ZBTB4: variants seen among roughly 807,000 people sequenced by gnomAD.
The protein encoded by ZBTB4 is zinc finger and BTB domain-containing protein 4.
In ZBTB4, 14 loss-of-function variants were observed where a neutral mutation model predicts 59.8. The ratio of observed to expected loss-of-function variants is 0.23; its 90% confidence interval spans 0.15 to 0.37. The LOEUF is 0.37. Among genes scored for constraint, ZBTB4 ranks in the 10% least tolerant of loss-of-function variants. The pLI, the probability that ZBTB4 is intolerant of heterozygous loss-of-function variation, is 1.00. For missense variants in ZBTB4, 1,198 were observed against 1,380.8 expected, an observed-to-expected ratio of 0.87 and a Z score of 2.10; for synonymous variants, 587 against 575.2, an observed-to-expected ratio of 1.02 and a Z score of -0.29.
chr17:7,465,830 C>T lies in ZBTB4; in HGVS notation c.972G>A (p.Leu324=), dbSNP rs143028324. The change falls in exon 3 of 4, where the codon CTG becomes CTA. Residue 324 remains leucine, a synonymous_variant. Coordinates refer to ENST00000380599, the MANE Select transcript of ZBTB4 (RefSeq NM_001128833.2). ...ACGAGTGTACATTGCTGTGTCTCTT[C>T]AGACTGGACAGGGTCACGTAGGAAC... ...CERSYVTLSS[L]KRHSNVHSWR... 2 of 1,614,234 alleles carry T rather than the reference C, an allele frequency of 1.2e-6. No individual in the cohort carries two copies. Among genetic ancestry groups the T allele is most frequent in the Non-Finnish European group, 1.7e-6 (2 of 1,180,048 alleles).
Position 7,466,866 on chromosome 17 carries a change from G to C in ZBTB4, c.-9-56C>G. 6.9e-7 allele frequency: 1 copy of C among 1,449,582 alleles called. No individual in the cohort carries two copies. Among genetic ancestry groups the C allele is most frequent in the East Asian group, 2.5e-5 (1 of 40,428 alleles). The allele number at this position is 1,449,582 out of a possible 1,614,324, so 89.8% of individuals were successfully genotyped here. ...TCTCAGAGGCTGGGCAGAGGGCAGG[G>C]GCTTCTAAAATCAGGCAGAGAGAGG... is the stretch of plus-strand genomic sequence containing the variant. On this transcript the variant is annotated intron_variant, in intron 2 of 3. Coordinates refer to ENST00000380599, the MANE Select transcript of ZBTB4 (RefSeq NM_001128833.2). This position sits in a 1 kb window ranked among gnomAD's most constrained non-coding sequence, Gnocchi z 9.1.
In ZBTB4 at chr17:7,462,888, CCAA is replaced by C. The variant is rs2070047807; in HGVS notation, c.2091_2093del (p.Trp698del). Reference sequence around the variant, plus strand: ...AGCTCCTCCGTTCCAGCTTCTGCCTCCAACGTGGTGGCCGGCGGCCTCGGGGCA... The same window carrying C: ...AGCTCCTCCGTTCCAGCTTCTGCCTCCGTGGTGGCCGGCGGCCTCGGGGCA... On this transcript the variant is annotated inframe_deletion, in exon 4 of 4. Coordinates refer to ENST00000380599, the MANE Select transcript of ZBTB4 (RefSeq NM_001128833.2). This position sits in a 1 kb window ranked among gnomAD's most constrained non-coding sequence, Gnocchi z 7.5. The C allele has an allele frequency of 6.2e-7, 1 of 1,607,910 alleles. No homozygotes were observed. Among genetic ancestry groups the C allele is most frequent in the Non-Finnish European group, 8.5e-7 (1 of 1,179,880 alleles).
At chr17:7,468,096 C>A (rs1208273352) in intron 1 of ZBTB4, among the ~76,000 whole-genome samples, 2 of 152,214 alleles carry the variant, frequency 1.3e-5, no homozygotes, top group Non-Finnish European at 2.9e-5. Flanking sequence ...CAAGGCCAGG[C>A]GCGGGGGCTC....
chr17:7,462,885 C>A lies in ZBTB4; in HGVS notation c.2097G>T (p.Arg699Ser). ...LPRGRRPPRW[R>S]QKLERRSWEE... ...CCCAGCTCCTCCGTTCCAGCTTCTG[C>A]CTCCAACGTGGTGGCCGGCGGCCTC... Residue 699 changes from arginine (R) to serine (S), a missense_variant, in exon 4 of 4, where the codon AGG becomes AGT. Physicochemically the swap from Arg to Ser is moderately radical, Grantham distance 110. This residue lies in a region of ZBTB4 where 550 missense variants were observed against 541.8 expected (regional missense o/e 1.02). Coordinates refer to ENST00000380599, the MANE Select transcript of ZBTB4 (RefSeq NM_001128833.2). This position sits in a 1 kb window ranked among gnomAD's most constrained non-coding sequence, Gnocchi z 7.5. 6.2e-7 allele frequency: 1 copy of A among 1,607,644 alleles called. No individual in the cohort carries two copies.
At chr17:7,475,469 A>G (rs559332751) in intron 1 of ZBTB4, among the ~76,000 whole-genome samples, 1 of 151,846 alleles carries the variant, frequency 6.6e-6, no homozygotes, top group Admixed American at 6.6e-5. Context: ...GCCACCCACA[A>G]TAGGTTTTAT....
chr17:7,472,634 C>T (rs1038977769), intron 1 of ZBTB4, among the ~76,000 whole-genome samples: 105 of 72,920 alleles, frequency 1.4e-3, no homozygotes, highest in Admixed American at 1.6e-3. Flanking sequence ...CCTGGCCATT[C>T]TTTTTTTTTT....
chr17:7,474,589 T>G (rs537857481), intron 1 of ZBTB4, among the ~76,000 whole-genome samples: 2 of 152,142 alleles, frequency 1.3e-5, no homozygotes, highest in South Asian at 2.1e-4. Context: ...TAGCACGTAA[T>G]AGGTGGTAAA....
At position 7,461,202 on chromosome 17, in the gene ZBTB4, T is replaced by C. The variant is rs1170600664; in HGVS notation, c.*738A>G. On this transcript the variant is annotated 3_prime_UTR_variant, in exon 4 of 4. Coordinates refer to ENST00000380599, the MANE Select transcript of ZBTB4 (RefSeq NM_001128833.2). ...TTGGGGGTCAAGATAGGGCCAATAT[T>C]TCCCTGCCCTGGACTGGGAAAGTGC... is the stretch of plus-strand genomic sequence containing the variant. 6.6e-6 allele frequency: 1 copy of C among 152,642 alleles called. No homozygotes were observed. The highest frequency in any genetic ancestry group is 1.9e-4 in the East Asian group (1 of 5,188). 9.5% of individuals were successfully genotyped at this position (152,642 alleles called of 1,614,324 possible).
At chr17:7,475,549 T>C (rs2070258055) in intron 1 of ZBTB4, among the ~76,000 whole-genome samples, 1 of 151,638 alleles carries the variant, frequency 6.6e-6, no homozygotes, top group Admixed American at 6.6e-5. Flanking sequence ...TCTCCTGGGT[T>C]CAAGCAATTC....
chr17:7,466,824 G>T lies in ZBTB4; in HGVS notation c.-9-14C>A. 1 of 1,521,170 alleles carries T rather than the reference G, an allele frequency of 6.6e-7. No individual in the cohort carries two copies. The highest frequency in any genetic ancestry group is 8.8e-7 in the Non-Finnish European group (1 of 1,135,600). The allele number at this position is 1,521,170 out of a possible 1,614,324, so 94.2% of individuals were successfully genotyped here. A position where few individuals can be genotyped will look rare whatever the true frequency, so the allele number is the denominator to read the frequency against. ...CATGGTGCCAGCCTAGACAGTGGGA[G>T]AAGAGGCCGGGTAGAGTCTCAGAGG... On this transcript the variant is annotated splice_polypyrimidine_tract_variant and intron_variant, in intron 2 of 3. Transcript: ENST00000380599. This position sits in a 1 kb window ranked among gnomAD's most constrained non-coding sequence, Gnocchi z 9.1.
At chr17:7,476,085 T>A (rs571975175) in intron 1 of ZBTB4, among the ~76,000 whole-genome samples, 18 of 152,306 alleles carry the variant, frequency 1.2e-4, no homozygotes, top group Admixed American at 3.3e-4. Context: ...ATAGCTCAGG[T>A]CCTTGTTAAC....
In ZBTB4 at chr17:7,462,466, T is replaced by A. The variant is rs1479597269; in HGVS notation, c.2516A>T (p.Glu839Val). Residue 839 changes from glutamate to valine, a missense_variant, in exon 4 of 4, where the codon GAG becomes GTG. Physicochemically the swap from Glu to Val is moderately radical, Grantham distance 121. Around this residue, in one of 9 missense-constraint regions of ZBTB4, gnomAD observed 211 missense variants for 236.1 expected, o/e 0.89. Coordinates refer to ENST00000380599, the MANE Select transcript of ZBTB4 (RefSeq NM_001128833.2). The surrounding 1 kb of genome is among the most constrained non-coding windows in gnomAD (Gnocchi z 7.5). ...GAGTGAGGCGGTCTCGGAAGCTTCCTCAGCAGCAGTGCTCCCGCCACCTGC... is the reference window on the plus strand; with the variant it reads ...GAGTGAGGCGGTCTCGGAAGCTTCCACAGCAGCAGTGCTCCCGCCACCTGC... Reference protein sequence around the residue: ...GEAGGGSTAAEEASETASLQD... With the variant: ...GEAGGGSTAAVEASETASLQD... 1.2e-6 allele frequency: 2 copies of A among 1,613,686 alleles called. No individual in the cohort carries two copies. The highest frequency in any genetic ancestry group is 1.7e-6 in the Non-Finnish European group (2 of 1,179,996).
chr17:7,482,171 C>G, upstream of ZBTB4: 1 of 1,614,114 alleles, frequency 6.2e-7, no homozygotes, highest in Non-Finnish European at 8.5e-7. Context: ...TATGGCTTAC[C>G]AGGCTTCCAA....
chr17:7,463,592 C>G lies in ZBTB4; in HGVS notation c.1390G>C (p.Glu464Gln). Residue 464 changes from glutamate to glutamine, a missense_variant, in exon 4 of 4, where the codon GAG (glutamate) becomes CAG (glutamine). Physicochemically the swap from Glu to Gln is conservative, Grantham distance 29. This residue lies in a region of ZBTB4 where 550 missense variants were observed against 541.8 expected (regional missense o/e 1.02). Transcript: ENST00000380599. Reference sequence around the variant, plus strand: ...ATGACAGAGGGTGGAGGGCCAGGCTCTGGGGCAGGTGGAGGCCCAGGCGGC... The same window carrying G: ...ATGACAGAGGGTGGAGGGCCAGGCTGTGGGGCAGGTGGAGGCCCAGGCGGC... ...SPPPGPPPAPEPGPPPSVITF... is the reference protein window; with the variant it reads ...SPPPGPPPAPQPGPPPSVITF... The G allele has an allele frequency of 1.2e-6, 2 of 1,600,048 alleles. No homozygotes were observed. Among genetic ancestry groups the G allele is most frequent in the Non-Finnish European group, 1.7e-6 (2 of 1,173,204 alleles).
Position 7,463,725 on chromosome 17 carries a change from G to A in ZBTB4, c.1257C>T (p.Pro419=), listed in dbSNP as rs769301501. ...LNTLKLYRLL[P]MRAAKRPYKT... ...TGTAGGGCCGCTTGGCTGCCCGCAT[G>A]GGGAGCAGGCGGTAGAGCTTGAGTG... Residue 419 remains proline (P), a synonymous_variant, in exon 4 of 4, where the codon CCC becomes CCT. Transcript: ENST00000380599. 9 of 1,613,906 alleles carry A rather than the reference G, an allele frequency of 5.6e-6. No individual in the cohort carries two copies. In the Admixed American group the frequency reaches 6.7e-5, roughly 12 times the overall value.
upstream of ZBTB4, chr17:7,483,372 T>C (rs2070372539): frequency 6.5e-6 from 2 of 305,502 alleles, no homozygotes; most frequent in Non-Finnish European, 6.2e-6. Context: ...GCAGCTGCGG[T>C]GGGGGAGGGG....
chr17:7,462,987 C>T lies in ZBTB4; in HGVS notation c.1995G>A (p.Arg665=). The change falls in exon 4 of 4, where the codon AGG becomes AGA. Residue 665 remains arginine (R), a synonymous_variant. Coordinates refer to ENST00000380599, the MANE Select transcript of ZBTB4 (RefSeq NM_001128833.2). The surrounding 1 kb of genome is among the most constrained non-coding windows in gnomAD (Gnocchi z 7.5). The part of the protein sequence containing the change: ...SKAGGEDQLW[R]PYYSYKPKRK... ...GCTTAGGCTTGTAGGAGTAGTAGGG[C>T]CTCCAGAGCTGGTCCTCCCCACCAG... 6.2e-7 allele frequency: 1 copy of T among 1,608,996 alleles called. No homozygotes were observed. The highest frequency in any genetic ancestry group is 8.5e-7 in the Non-Finnish European group (1 of 1,178,356).
chr17:7,469,289 C>T (rs916255104), intron 1 of ZBTB4, among the ~76,000 whole-genome samples: 2 of 152,184 alleles, frequency 1.3e-5, no homozygotes, highest in Non-Finnish European at 2.9e-5. Context: ...GCCTCAGCTT[C>T]TTGAGTAGCT....
rs1176896694 is a variant in ZBTB4, at chr17:7,462,601, C to T, written c.2381G>A (p.Gly794Asp). The stretch of plus-strand genomic sequence containing the variant: ...ATAGGCAATGACAGGGGTTGGGGTG[C>T]CCCCGGGCCGCTCAGCAGCATGCCT... ...GQRHAAERPGGTPTPVIAYSK... is the reference protein window; with the variant it reads ...GQRHAAERPGDTPTPVIAYSK... Residue 794 changes from glycine (G) to aspartate (D), a missense_variant, in exon 4 of 4, where the codon GGC (glycine) becomes GAC (aspartate). Physicochemically the swap from Gly to Asp is moderately conservative, Grantham distance 94 (BLOSUM62 -1). Around this residue, in one of 9 missense-constraint regions of ZBTB4, gnomAD observed 550 missense variants for 541.8 expected, o/e 1.02. Coordinates refer to ENST00000380599, the MANE Select transcript of ZBTB4 (RefSeq NM_001128833.2). This position sits in a 1 kb window ranked among gnomAD's most constrained non-coding sequence, Gnocchi z 7.5. 4 of 1,610,214 alleles carry T rather than the reference C, an allele frequency of 2.5e-6. No individual in the cohort carries two copies. Among genetic ancestry groups the T allele is most frequent in the East Asian group, 2.2e-5 (1 of 44,866 alleles).
Sources: allele counts gnomAD v4.1 joint callset (sites outside exome capture counted in the v4.1 genomes callset), GRCh38; gene constraint gnomAD v4.1.1; regional missense constraint gnomAD v4.1.1; non-coding constraint Gnocchi (gnomAD v3.1); transcripts MANE v1.5; gene names NCBI Gene and HGNC (gene_info 2026-07-23, HGNC 2026-07-21).